KCNQ5: variants seen among roughly 807,000 people sequenced by gnomAD.
The protein encoded by KCNQ5 is potassium voltage-gated channel subfamily KQT member 5.
KCNQ5 carries 30 observed loss-of-function variants against 98.2 expected under a neutral mutation model. The observed-to-expected ratio is 0.31, with a 90% CI of 0.23 to 0.41. The LOEUF (loss-of-function observed/expected upper bound fraction) is 0.41, where lower values mean the gene tolerates loss of function less well. Ranked by LOEUF, KCNQ5 falls within the 10% of genes least tolerant of loss-of-function variation. KCNQ5 has a pLI of 1.00. For missense variants in KCNQ5, 835 were observed against 1,182.5 expected, an observed-to-expected ratio of 0.71 and a Z score of 4.31; for synonymous variants, 458 against 449.4, an observed-to-expected ratio of 1.02 and a Z score of -0.24.
chr6:72,810,178 C>T (rs886109327), intron 1 of KCNQ5, among the ~76,000 whole-genome samples: 2 of 152,138 alleles, frequency 1.3e-5, no homozygotes, highest in Non-Finnish European at 2.9e-5. Context: ...CTTAAATGCT[C>T]CTTAACAATG....
At chr6:72,653,654 C>G (rs2154472508) in intron 1 of KCNQ5, among the ~76,000 whole-genome samples, 1 of 152,092 alleles carries the variant, frequency 6.6e-6, no homozygotes, top group East Asian at 1.9e-4. Flanking sequence ...AATACTAATT[C>G]ATGTTGTTAA....
intron 1 of KCNQ5, among the ~76,000 whole-genome samples, chr6:72,815,875 A>T (rs1250320031): frequency 1.3e-5 from 2 of 152,208 alleles, no homozygotes; most frequent in Admixed American, 1.3e-4. Context: ...TGACAAGTTT[A>T]ACTTGGGGCA....
chr6:72,971,101 C>G (rs992903936), intron 1 of KCNQ5, among the ~76,000 whole-genome samples: 3 of 152,166 alleles, frequency 2.0e-5, no homozygotes, highest in African/African-American at 7.2e-5. Context: ...ATCTACTCAT[C>G]TGACAAAGGG....
intron 1 of KCNQ5, among the ~76,000 whole-genome samples, chr6:72,747,629 G>T (rs1162836689): frequency 2.0e-5 from 3 of 152,032 alleles, no homozygotes; most frequent in Non-Finnish European, 4.4e-5. Flanking sequence ...GGGGATAAAT[G>T]ACTGAAAAAA....
intron 1 of KCNQ5, among the ~76,000 whole-genome samples, chr6:72,724,888 C>A (rs1205852300): frequency 3.9e-5 from 6 of 152,126 alleles, no homozygotes; most frequent in Non-Finnish European, 7.4e-5. Flanking sequence ...TATTGTTTAA[C>A]TTACCATAGG....
intron 1 of KCNQ5, among the ~76,000 whole-genome samples, chr6:72,831,039 A>C (rs1776240955): frequency 6.6e-6 from 1 of 152,232 alleles, no homozygotes. Context: ...ATACCATCTC[A>C]CACCAGTTAG....
In KCNQ5 at chr6:72,878,548, C is replaced by G. The variant is rs192951910; in HGVS notation, c.399-125360C>G. On this transcript the variant is annotated intron_variant, in intron 1 of 13. Transcript: ENST00000370398. ...CCATGACAGGGAATCAATTACTCTTCAAGGAGTCCTGGCTGGGTACTTTTA... is the reference window on the plus strand; with the variant it reads ...CCATGACAGGGAATCAATTACTCTTGAAGGAGTCCTGGCTGGGTACTTTTA... Among the ~76,000 whole-genome samples, 341 of 152,208 alleles carry G rather than the reference C, an allele frequency of 2.2e-3. 2 individuals are homozygous for G. Among genetic ancestry groups the G allele is most frequent in the Non-Finnish European group, 3.5e-3 (236 of 68,012 alleles).
chr6:73,129,026 A>C (rs1444665545), intron 9 of KCNQ5, among the ~76,000 whole-genome samples: 1 of 152,024 alleles, frequency 6.6e-6, no homozygotes, highest in Non-Finnish European at 1.5e-5. Context: ...CTGTTATTTC[A>C]ATTTTCTTTC....
rs1238370049 is a variant in KCNQ5, at chr6:73,194,704, T to G, written c.2089T>G (p.Phe697Val). The G allele has an allele frequency of 1.9e-6, 3 of 1,614,102 alleles. No homozygotes were observed. Among genetic ancestry groups the G allele is most frequent in the Non-Finnish European group, 2.5e-6 (3 of 1,180,024 alleles). ...GLQFILTPNE[F>V]SAQTFYALSP... ...GCAGTTCATTCTGACGCCAAATGAG[T>G]TCAGTGCCCAGACTTTCTACGCGCT... Residue 697 changes from phenylalanine (F) to valine (V), a missense_variant, in exon 14 of 14, where the codon TTC becomes GTC. This residue lies in a region of KCNQ5 where 416 missense variants were observed against 446.9 expected (regional missense o/e 0.93). Coordinates refer to ENST00000370398, the MANE Select transcript of KCNQ5 (RefSeq NM_019842.4).
rs527868415 is a variant in KCNQ5 at position 73,080,756 on chromosome 6, G to T, written c.918+2869G>T. ...AAAAAGGAAATCCCCTATATTAAAA[G>T]ATCCCACAGTATCAACATTAAGTAT... On this transcript the variant is annotated intron_variant, in intron 5 of 13. Coordinates refer to ENST00000370398, the MANE Select transcript of KCNQ5 (RefSeq NM_019842.4). Among the ~76,000 whole-genome samples, 91 of 152,272 alleles carry T rather than the reference G, an allele frequency of 6.0e-4. 1 individual carries two copies. Among genetic ancestry groups the T allele is most frequent in the Non-Finnish European group, 1.9e-4 (13 of 68,016 alleles).
chr6:72,794,992 T>C (rs1161514829), intron 1 of KCNQ5, among the ~76,000 whole-genome samples: 1 of 152,166 alleles, frequency 6.6e-6, no homozygotes, highest in African/African-American at 2.4e-5. Flanking sequence ...ATACAAGGAA[T>C]TGAATTTTGT....
At chr6:72,965,837 G>T (rs1056250052) in intron 1 of KCNQ5, among the ~76,000 whole-genome samples, 1 of 152,162 alleles carries the variant, frequency 6.6e-6, no homozygotes, top group South Asian at 2.1e-4. Context: ...GGCCCACTTT[G>T]TCTATGTGTA....
chr6:72,786,341 C>G (rs1413228187), intron 1 of KCNQ5, among the ~76,000 whole-genome samples: 1 of 152,120 alleles, frequency 6.6e-6, no homozygotes, highest in Non-Finnish European at 1.5e-5. Context: ...GATGTTAGCC[C>G]TTTGTCAGAA....
intron 1 of KCNQ5, among the ~76,000 whole-genome samples, chr6:72,833,343 G>T (rs1776363522): frequency 1.3e-5 from 2 of 152,098 alleles, no homozygotes; most frequent in Non-Finnish European, 2.9e-5. Context: ...CATCCCCAAA[G>T]TTCTGGAACC....
At chr6:73,114,219 A>T (rs758924575) in intron 7 of KCNQ5, among the ~76,000 whole-genome samples, 3 of 152,188 alleles carry the variant, frequency 2.0e-5, no homozygotes, top group Admixed American at 6.5e-5. Flanking sequence ...AATAGATTGA[A>T]AAGCAAACTT....
intron 1 of KCNQ5, among the ~76,000 whole-genome samples, chr6:72,640,067 C>T (rs528771150): frequency 2.0e-5 from 3 of 152,246 alleles, no homozygotes; most frequent in Non-Finnish European, 4.4e-5. Flanking sequence ...GGCATGATCA[C>T]GTAGAAGGCT....
intron 1 of KCNQ5, among the ~76,000 whole-genome samples, chr6:72,932,230 G>A (rs1007487931): frequency 2.0e-5 from 3 of 151,880 alleles, no homozygotes; most frequent in Admixed American, 2.0e-4. Context: ...AGTGAGAGCT[G>A]GGACATGGAA....
At chr6:72,761,481 C>A (rs1464842219) in intron 1 of KCNQ5, among the ~76,000 whole-genome samples, 3 of 151,496 alleles carry the variant, frequency 2.0e-5, no homozygotes, top group Non-Finnish European at 4.4e-5. Context: ...GTTTTCTAAA[C>A]CATATTATAA....
At chr6:72,823,250 C>A (rs910128485) in intron 1 of KCNQ5, among the ~76,000 whole-genome samples, 6 of 151,944 alleles carry the variant, frequency 3.9e-5, no homozygotes, top group African/African-American at 1.2e-4. Flanking sequence ...TTTTTAAGAT[C>A]ACAACAAGCA....
Sources: gnomAD v4.1 joint callset for allele counts (sites outside exome capture counted in the v4.1 genomes callset) on GRCh38, gnomAD v4.1.1 for gene constraint, gnomAD v4.1.1 regional missense constraint, MANE v1.5 for transcripts, NCBI Gene and HGNC (gene_info 2026-07-23, HGNC 2026-07-21) for gene names.